The following CCND3 variants were observed in gnomAD, a reference collection of about 807,000 sequenced individuals.
The protein encoded by CCND3 is G1/S-specific cyclin-D3.
CCND3 carries 9 observed loss-of-function variants against 28.7 expected under a neutral mutation model. The observed-to-expected ratio is 0.31, with a 90% CI of 0.19 to 0.55. The LOEUF is 0.55. CCND3 is among the 20% of genes least tolerant of loss of function. The pLI is 0.93. For synonymous variants in CCND3, 164 were observed against 163.9 expected, an observed-to-expected ratio of 1.00 and a Z score of 0.00; for missense variants, 315 against 385.8, an observed-to-expected ratio of 0.82 and a Z score of 1.54.
At chr6:42,022,179 T>C (rs991944438) in intron 1 of CCND3, among the ~76,000 whole-genome samples, 11 of 152,182 alleles carry the variant, frequency 7.2e-5, no homozygotes, top group African/African-American at 2.4e-4. Context: ...AGATCCACGA[T>C]CATCTTGCCA....
intron 1 of CCND3, among the ~76,000 whole-genome samples, chr6:41,990,660 A>ATTT (rs67939325): frequency 6.3e-4 from 76 of 121,276 alleles, no homozygotes; most frequent in African/African-American, 2.3e-3. Flanking sequence ...TAACCAACTG[A>ATTT]TTTTTTTTTT....
rs1554165225 is a variant in CCND3, at chr6:42,003,175, A to AG, written c.-46+45325_-46+45326insC. 2.0e-3 allele frequency among the ~76,000 whole-genome samples: 291 copies of AG among 146,130 alleles called. 3 individuals carry two copies. The highest frequency in any genetic ancestry group is 0.014 in the East Asian group (71 of 4,948). On this transcript the variant is annotated intron_variant, in intron 1 of 4. Coordinates refer to the CCND3 transcript ENST00000372988. ...GAAACAGCGTGTCAAAAAAAAAAAA[A>AG]AGAGAAATATTCAAAATTGATAAAC...
intron 1 of CCND3, among the ~76,000 whole-genome samples, chr6:41,977,521 G>A (rs371734668): frequency 2.0e-5 from 3 of 151,936 alleles, no homozygotes; most frequent in East Asian, 3.9e-4. Context: ...CACCTGCCAC[G>A]ATGCCCAGCT....
chr6:42,009,946 ATC>A (rs924612598), intron 1 of CCND3, among the ~76,000 whole-genome samples: 1 of 152,182 alleles, frequency 6.6e-6, no homozygotes, highest in African/African-American at 2.4e-5. Context: ...CTGAATCAGA[ATC>A]TCTCAGCAAT....
chr6:42,034,178 G>A (rs1764128781), intron 1 of CCND3, among the ~76,000 whole-genome samples: 1 of 147,002 alleles, frequency 6.8e-6, no homozygotes, highest in South Asian at 2.2e-4. Context: ...ATGGAGCCTC[G>A]CTCTTGTTGC....
intron 1 of CCND3, among the ~76,000 whole-genome samples, chr6:42,021,588 C>T (rs1763714931): frequency 6.6e-6 from 1 of 152,172 alleles, no homozygotes; most frequent in South Asian, 2.1e-4. Flanking sequence ...CACTAGGAAA[C>T]ACCACCCAGG....
upstream of CCND3, among the ~76,000 whole-genome samples, chr6:41,946,133 AC>A (rs1776161603): frequency 6.6e-6 from 1 of 152,078 alleles, no homozygotes; most frequent in Admixed American, 6.6e-5. Context: ...GCTAAGTTAA[AC>A]CACCTCTCTG....
At chr6:41,986,491 C>T (rs1762484122) in intron 1 of CCND3, among the ~76,000 whole-genome samples, 1 of 151,846 alleles carries the variant, frequency 6.6e-6, no homozygotes, top group Admixed American at 6.6e-5. Flanking sequence ...TCCTTTACCT[C>T]CTTGATTAAA....
chr6:41,975,542 G>A (rs910882945), intron 1 of CCND3, among the ~76,000 whole-genome samples: 2 of 152,134 alleles, frequency 1.3e-5, no homozygotes, highest in Non-Finnish European at 2.9e-5. Flanking sequence ...GGTGCTGGGG[G>A]CCTCGGCTGG....
At chr6:41,943,418 C>T (rs1255497568), upstream of CCND3, among the ~76,000 whole-genome samples, 5 of 152,090 alleles carry the variant, frequency 3.3e-5, no homozygotes, top group Non-Finnish European at 7.3e-5. Context: ...ACTGTTAACA[C>T]TTTTCCATGC....
At chr6:41,992,181 GAGA>G (rs921002761) in intron 1 of CCND3, among the ~76,000 whole-genome samples, 2 of 152,082 alleles carry the variant, frequency 1.3e-5, no homozygotes, top group African/African-American at 2.4e-5. Flanking sequence ...TTTAATTTTT[GAGA>G]AGAAGTCTCA....
rs924896203 is a variant in CCND3 at position 41,941,058 on chromosome 6, C to T, written c.198+394G>A. Reference sequence around the variant, plus strand: ...CCCATCGCCTTCCCCGCCAGAACCCCGCGAAAGACACAGGAACCGGCTCCC... The same window carrying T: ...CCCATCGCCTTCCCCGCCAGAACCCTGCGAAAGACACAGGAACCGGCTCCC... On this transcript the variant is annotated intron_variant, in intron 1 of 4. Coordinates refer to ENST00000372991, the MANE Select transcript of CCND3 (RefSeq NM_001760.5). The surrounding 1 kb of genome is among the most constrained non-coding windows in gnomAD (Gnocchi z 6.1). 1 of 1,589,896 alleles carries T rather than the reference C, an allele frequency of 6.3e-7. No individual in the cohort carries two copies. The highest frequency in any genetic ancestry group is 8.6e-7 in the Non-Finnish European group (1 of 1,166,834).
intron 1 of CCND3, among the ~76,000 whole-genome samples, chr6:42,005,313 G>A (rs775643049): frequency 4.6e-5 from 7 of 152,084 alleles, no homozygotes; most frequent in East Asian, 3.9e-4. Context: ...AAGCCAGGGC[G>A]GGTGGATAAT....
intron 1 of CCND3, among the ~76,000 whole-genome samples, chr6:42,004,066 GTA>G (rs1287559006): frequency 2.3e-5 from 3 of 132,942 alleles, no homozygotes; most frequent in Non-Finnish European, 4.8e-5. Flanking sequence ...ATATATATAT[GTA>G]TGTGTGTGTG....
In CCND3 at chr6:41,936,117, T is replaced by C. The variant is rs1487633857; in HGVS notation, c.712-10A>G. ...AGGCCCGCAGGCAGTCCTGGGAACA[T>C]GGGAGAAGAGTGAGGAGCAAACACT... On this transcript the variant is annotated splice_polypyrimidine_tract_variant and intron_variant, in intron 4 of 4. Coordinates refer to ENST00000372991, the MANE Select transcript of CCND3 (RefSeq NM_001760.5). This position sits in a 1 kb window ranked among gnomAD's most constrained non-coding sequence, Gnocchi z 4.4. The C allele has an allele frequency of 3.2e-6, 5 of 1,569,924 alleles. No individual in the cohort carries two copies. Among genetic ancestry groups the C allele is most frequent in the Middle Eastern group, 1.7e-4 (1 of 5,804 alleles).
upstream of CCND3, among the ~76,000 whole-genome samples, chr6:41,942,494 C>CT (rs1469223606): frequency 6.6e-6 from 1 of 152,130 alleles, no homozygotes; most frequent in African/African-American, 2.4e-5. Flanking sequence ...GAGCTTTAGT[C>CT]TAAGTCAGCA....
intron 1 of CCND3, among the ~76,000 whole-genome samples, chr6:41,962,037 G>A (rs1310434938): frequency 1.3e-5 from 2 of 152,150 alleles, no homozygotes; most frequent in Non-Finnish European, 2.9e-5. Flanking sequence ...TTGGACTCCT[G>A]CAATAGCCTC....
chr6:42,032,070 C>G (rs1339490615), intron 1 of CCND3, among the ~76,000 whole-genome samples: 1 of 151,958 alleles, frequency 6.6e-6, no homozygotes, highest in Non-Finnish European at 1.5e-5. Flanking sequence ...GGATTACAGG[C>G]GTGAGTCGCT....
At chr6:41,983,974 G>A (rs1460631951) in intron 1 of CCND3, among the ~76,000 whole-genome samples, 2 of 151,840 alleles carry the variant, frequency 1.3e-5, no homozygotes, top group African/African-American at 2.4e-5. Flanking sequence ...CAATCCCCTG[G>A]CAACCACCAT....
Sources: gnomAD v4.1 joint callset for allele counts (sites outside exome capture counted in the v4.1 genomes callset) on GRCh38, gnomAD v4.1.1 for gene constraint, Gnocchi (gnomAD v3.1) non-coding constraint, MANE v1.5 for transcripts, NCBI Gene and HGNC (gene_info 2026-07-23, HGNC 2026-07-21) for gene names.